MMP9: variants seen among roughly 807,000 people sequenced by gnomAD.
MMP9 encodes matrix metalloproteinase-9.
A neutral mutation model predicts 76.4 loss-of-function variants in MMP9; 73 were observed. The ratio of observed to expected loss-of-function variants is 0.96; its 90% CI spans 0.79 to 1.16. MMP9 has a LOEUF of 1.16. Among genes scored for constraint, MMP9 ranks in the 50% most tolerant of loss-of-function variants. MMP9 has a pLI of 0.00. For missense variants in MMP9, 943 were observed against 973.0 expected (o/e 0.97, Z 0.41); for synonymous variants, 412 against 408.4 (o/e 1.01, Z -0.11).
intron 10 of MMP9, 33 bp from the exon 11 acceptor site, chr20:46,014,090 GC>G (rs1335078824): frequency 3.9e-6 from 6 of 1,533,930 alleles, no homozygotes; most frequent in Non-Finnish European, 5.2e-6. Flanking sequence ...CTCCCTCTGC[GC>G]CCCCAAACCG....
At chr20:46,011,902 A>C (rs572821882) in intron 6 of MMP9, among the ~76,000 whole-genome samples, 155 bp downstream of exon 6, 1 of 151,930 alleles carries the variant, frequency 6.6e-6, no homozygotes, top group Non-Finnish European at 1.5e-5. Flanking sequence ...TTCCACCACT[A>C]TCCCTGACTT....
chr20:46,016,277 T>C lies in MMP9; in HGVS notation c.2033T>C (p.Phe678Ser). 1 of 1,614,252 alleles carries C rather than the reference T, an allele frequency of 6.2e-7. No homozygotes were observed. Among genetic ancestry groups the C allele is most frequent in the Non-Finnish European group, 8.5e-7 (1 of 1,180,042 alleles). Reference protein sequence around the residue: ...REKAYFCQDRFYWRVSSRSEL... With the variant: ...REKAYFCQDRSYWRVSSRSEL... ...AAAGCCTATTTCTGCCAGGACCGCT[T>C]CTACTGGCGCGTGAGTTCCCGGAGT... Residue 678 changes from phenylalanine (F) to serine (S), a missense_variant, in exon 13 of 13, where the codon TTC (phenylalanine) becomes TCC (serine). Physicochemically the swap from Phe to Ser is radical, Grantham distance 155. Transcript: ENST00000372330.
chr20:46,016,360 G>C lies in MMP9; in HGVS notation c.2116G>C (p.Glu706Gln). 6.2e-7 allele frequency: 1 copy of C among 1,613,302 alleles called. No individual in the cohort carries two copies. Among genetic ancestry groups the C allele is most frequent in the African/African-American group, 1.3e-5 (1 of 75,004 alleles). Residue 706 changes from glutamate to glutamine, a missense_variant, in exon 13 of 13, where the codon GAG (glutamate) becomes CAG (glutamine). Coordinates refer to ENST00000372330, the MANE Select transcript of MMP9 (RefSeq NM_004994.3). ...GACCTATGACATCCTGCAGTGCCCTGAGGACTAGGGCTCCCGTCCTGCTTT... is the reference window on the plus strand; with the variant it reads ...GACCTATGACATCCTGCAGTGCCCTCAGGACTAGGGCTCCCGTCCTGCTTT... ...YVTYDILQCP[E>Q]D
Position 46,011,196 on chromosome 20 carries a change from A to G in MMP9, c.703A>G (p.Ile235Val), listed in dbSNP as rs202205222. ...TGGCGCGGCCTGCCACTTCCCCTTCATCTTCGAGGGCCGCTCCTACTCTGC... is the reference window on the plus strand; with the variant it reads ...TGGCGCGGCCTGCCACTTCCCCTTCGTCTTCGAGGGCCGCTCCTACTCTGC... Reference protein sequence around the residue: ...ADGAACHFPFIFEGRSYSACT... With the variant: ...ADGAACHFPFVFEGRSYSACT... Residue 235 changes from isoleucine to valine, a missense_variant, in exon 5 of 13, where the codon ATC becomes GTC. Coordinates refer to ENST00000372330, the MANE Select transcript of MMP9 (RefSeq NM_004994.3). 6.2e-7 allele frequency: 1 copy of G among 1,613,926 alleles called. No homozygotes were observed.
chr20:46,009,832 G>A (rs2084263605), intron 1 of MMP9, 34 bp from the exon 2 acceptor site: 3 of 1,538,174 alleles, frequency 2.0e-6, no homozygotes, highest in Non-Finnish European at 2.6e-6. Context: ...AAAGGGGTCA[G>A]AGATCTGGCA....
At chr20:46,012,673 A>C in intron 8 of MMP9, 91 bp downstream of exon 8, 141 of 1,469,932 alleles carry the variant, frequency 9.6e-5, no homozygotes, top group Non-Finnish European at 1.1e-4. Context: ...CGGGGGAGGA[A>C]CGGGGCGTGC....
rs2084280168 is a variant in MMP9 at position 46,011,669 on chromosome 20, C to A, written c.919C>A (p.Arg307Ser). 1 of 1,614,030 alleles carries A rather than the reference C, an allele frequency of 6.2e-7. No homozygotes were observed. The highest frequency in any genetic ancestry group is 8.5e-7 in the Non-Finnish European group (1 of 1,180,052). ...QSYSACTTDG[R>S]SDGYRWCATT... ...CTACTCCGCCTGCACCACGGACGGT[C>A]GCTCCGACGGCTACCGCTGGTGCGC... Residue 307 changes from arginine to serine, a missense_variant, in exon 6 of 13, where the codon CGC becomes AGC. By Grantham distance (110) the Arg-to-Ser change is moderately radical. Coordinates refer to ENST00000372330, the MANE Select transcript of MMP9 (RefSeq NM_004994.3).
chr20:46,010,031 C>G lies in MMP9; in HGVS notation c.304C>G (p.Pro102Ala), dbSNP rs1244656505. 2 of 1,551,534 alleles carry G rather than the reference C, an allele frequency of 1.3e-6. No homozygotes were observed. The highest frequency in any genetic ancestry group is 8.7e-7 in the Non-Finnish European group (1 of 1,146,990). ...CATGCGAACCCCACGGTGCGGGGTC[C>G]CAGACCTGGGCAGATTCCAAACCTT... The part of the protein sequence containing the change: ...KAMRTPRCGV[P>A]DLGRFQTFEG... Residue 102 changes from proline (P) to alanine (A), a missense_variant, in exon 2 of 13, where the codon CCA becomes GCA. Physicochemically the swap from Pro to Ala is conservative, Grantham distance 27. Coordinates refer to ENST00000372330, the MANE Select transcript of MMP9 (RefSeq NM_004994.3).
chr20:46,014,087 T>C (rs1385565363), intron 10 of MMP9, 37 bp from the exon 11 acceptor site: 3 of 1,533,760 alleles, frequency 2.0e-6, no homozygotes, highest in Non-Finnish European at 1.7e-6. Flanking sequence ...GTGCTCCCTC[T>C]GCGCCCCCAA....
At chr20:46,011,422 T>C in intron 5 of MMP9, 106 bp downstream of exon 5, 1 of 1,570,360 alleles carries the variant, frequency 6.4e-7, no homozygotes, top group Non-Finnish European at 8.7e-7. Context: ...CAATTCACCC[T>C]CCCGCACTCT....
Position 46,009,720 on chromosome 20 carries a change from C to T in MMP9, c.139-146C>T. 7 of 730,192 alleles carry T rather than the reference C, an allele frequency of 9.6e-6. No individual in the cohort carries two copies. In the South Asian group the frequency reaches 1.1e-4, roughly 11 times the overall value. The allele number at this position is 730,192 out of a possible 1,614,324, so 45.2% of individuals were successfully genotyped here. On this transcript the variant is annotated intron_variant, in intron 1 of 12. Coordinates refer to ENST00000372330, the MANE Select transcript of MMP9 (RefSeq NM_004994.3). The stretch of plus-strand genomic sequence containing the variant: ...GGAGGATCGCTTGAGTCCAGGAGGT[C>T]CAGGCTGCAGTGGGCTGATACCGTC...
chr20:46,009,634 A>G (rs1181334488), intron 1 of MMP9, among the ~76,000 whole-genome samples: 1 of 152,116 alleles, frequency 6.6e-6, no homozygotes, highest in Non-Finnish European at 1.5e-5. Context: ...AAAAAAATTA[A>G]AGAAATAGCC....
At chr20:46,014,525 A>G in intron 12 of MMP9, 51 bp downstream of exon 12, 1 of 1,500,966 alleles carries the variant, frequency 6.7e-7, no homozygotes, top group Non-Finnish European at 9.0e-7. Flanking sequence ...AGCTCCTCTT[A>G]GTGAGTGGTC....
In MMP9 at chr20:46,013,457, G is replaced by A. The variant is rs1362010486; in HGVS notation, c.1533G>A (p.Pro511=). Residue 511 remains proline, a synonymous_variant, in exon 9 of 13, where the codon CCG becomes CCA. Coordinates refer to ENST00000372330, the MANE Select transcript of MMP9 (RefSeq NM_004994.3). This position sits in a 1 kb window ranked among gnomAD's most constrained non-coding sequence, Gnocchi z 4.5. ...CGGCCACTACTGTGCCTTTGAGTCC[G>A]GTGGACGATGCCTGCAACGTGAACA... The part of the protein sequence containing the change: ...PSTATTVPLS[P]VDDACNVNIF... The A allele has an allele frequency of 1.2e-6, 2 of 1,614,056 alleles. No individual in the cohort carries two copies. Among genetic ancestry groups the A allele is most frequent in the Non-Finnish European group, 1.7e-6 (2 of 1,179,986 alleles).
intron 2 of MMP9, 37 bp downstream of exon 2, chr20:46,010,135 G>A (rs1433886814): frequency 6.7e-7 from 1 of 1,488,350 alleles, no homozygotes; most frequent in Non-Finnish European, 9.1e-7. Context: ...GGTGGGGCGG[G>A]GAGGCCAGGT....
In MMP9 at chr20:46,013,287, A is replaced by G. The variant is rs2084295710; in HGVS notation, c.1363A>G (p.Thr455Ala). 1 of 1,613,900 alleles carries G rather than the reference A, an allele frequency of 6.2e-7. No individual in the cohort carries two copies. ...CCCTGAACCTGAGCCACGGCCTCCA[A>G]CCACCACCACACCGCAGCCCACGGC... ...PRPEPEPRPP[T>A]TTTPQPTAPP... The change falls in exon 9 of 13, where the codon ACC becomes GCC. Residue 455 changes from threonine to alanine, a missense_variant. By Grantham distance (58) the Thr-to-Ala change is moderately conservative (BLOSUM62 0). Coordinates refer to ENST00000372330, the MANE Select transcript of MMP9 (RefSeq NM_004994.3). This position sits in a 1 kb window ranked among gnomAD's most constrained non-coding sequence, Gnocchi z 4.5.
In MMP9 at chr20:46,013,339, C is replaced by G. The variant is rs2084296724; in HGVS notation, c.1415C>G (p.Pro472Arg). The G allele has an allele frequency of 2.5e-6, 4 of 1,613,236 alleles. No individual in the cohort carries two copies. Among genetic ancestry groups the G allele is most frequent in the African/African-American group, 1.3e-5 (1 of 74,872 alleles). The stretch of plus-strand genomic sequence containing the variant: ...CCCCCGACGGTCTGCCCCACCGGAC[C>G]CCCCACTGTCCACCCCTCAGAGCGC... ...TAPPTVCPTG[P>R]PTVHPSERPT... is the part of the protein sequence containing the mutation. Residue 472 changes from proline to arginine, a missense_variant, in exon 9 of 13, where the codon CCC becomes CGC. Physicochemically the swap from Pro to Arg is moderately radical, Grantham distance 103 (BLOSUM62 -2). Transcript: ENST00000372330. The surrounding 1 kb of genome is among the most constrained non-coding windows in gnomAD (Gnocchi z 4.5).
At position 46,013,955 on chromosome 20, in the gene MMP9, C is replaced by G; in HGVS notation, c.1750+159C>G. 7.2e-7 allele frequency: 1 copy of G among 1,385,148 alleles called. No homozygotes were observed. Among genetic ancestry groups the G allele is most frequent in the East Asian group, 2.5e-5 (1 of 39,956 alleles). 85.8% of individuals were successfully genotyped at this position (1,385,148 alleles called of 1,614,324 possible). On this transcript the variant is annotated intron_variant, in intron 10 of 12. Coordinates refer to ENST00000372330, the MANE Select transcript of MMP9 (RefSeq NM_004994.3). This position sits in a 1 kb window ranked among gnomAD's most constrained non-coding sequence, Gnocchi z 4.5. ...ACGTAGGGGCGGCTGAGTTTCTGCC[C>G]CCTCCTCTCCACGCCCTCGCGTCGC...
In MMP9 at chr20:46,008,986, C is replaced by T. The variant is rs766276698; in HGVS notation, c.60C>T (p.Ala20=). The change falls in exon 1 of 13, where the codon GCC becomes GCT. Residue 20 remains alanine (A), a synonymous_variant. Transcript: ENST00000372330. ...VLLVLGCCFA[A]PRQRQSTLVL... ...TGGTGCTGGGCTGCTGCTTTGCTGC[C>T]CCCAGACAGCGCCAGTCCACCCTTG... 2 of 1,613,834 alleles carry T rather than the reference C, an allele frequency of 1.2e-6. No homozygotes were observed. The highest frequency in any genetic ancestry group is 1.7e-6 in the Non-Finnish European group (2 of 1,179,972).
Sources: gnomAD v4.1 joint callset for allele counts (sites outside exome capture counted in the v4.1 genomes callset) on GRCh38, gnomAD v4.1.1 for gene constraint, Gnocchi (gnomAD v3.1) non-coding constraint, MANE v1.5 for transcripts, NCBI Gene and HGNC (gene_info 2026-07-23, HGNC 2026-07-21) for gene names.